ZMIZ1: variants seen among roughly 807,000 people sequenced by gnomAD.
ZMIZ1 encodes zinc finger MIZ domain-containing protein 1.
In ZMIZ1, 17 loss-of-function variants were observed where a neutral mutation model predicts 113.9. The ratio of observed to expected loss-of-function variants is 0.15; its 90% CI spans 0.10 to 0.22. ZMIZ1 has a LOEUF of 0.22. ZMIZ1 is among the 10% of genes least tolerant of loss of function. The pLI is 1.00. For missense variants in ZMIZ1, 1,059 were observed against 1,477.8 expected (o/e 0.72, Z 4.65); for synonymous variants, 607 against 603.1 (o/e 1.01, Z -0.09).
At chr10:79,128,195 C>A (rs181147984) in intron 2 of ZMIZ1, among the ~76,000 whole-genome samples, 2 of 152,156 alleles carry the variant, frequency 1.3e-5, no homozygotes, top group Non-Finnish European at 2.9e-5. Context: ...GACTACTCCA[C>A]CCCTAGGTGC....
chr10:79,217,225 C>T (rs1219344286), intron 7 of ZMIZ1, among the ~76,000 whole-genome samples: 1 of 152,158 alleles, frequency 6.6e-6, no homozygotes, highest in Non-Finnish European at 1.5e-5. Flanking sequence ...AGATCGAGAC[C>T]ATCCTGGCTA....
chr10:79,093,259 C>T (rs903707486), intron 1 of ZMIZ1, among the ~76,000 whole-genome samples: 6 of 151,734 alleles, frequency 4.0e-5, no homozygotes, highest in African/African-American at 1.2e-4. Context: ...AAGAACCCTA[C>T]GCGGGAAGGA....
chr10:79,262,519 T>C (rs1851329683), intron 7 of ZMIZ1, among the ~76,000 whole-genome samples: 1 of 152,232 alleles, frequency 6.6e-6, no homozygotes, highest in Non-Finnish European at 1.5e-5. Context: ...ATGGCATTCT[T>C]ATAAACCATT....
rs1178902989 is a variant in ZMIZ1, at chr10:79,208,296, A to G, written c.61-40A>G. On this transcript the variant is annotated intron_variant, in intron 5 of 24. Coordinates refer to ENST00000334512, the MANE Select transcript of ZMIZ1 (RefSeq NM_020338.4). The stretch of plus-strand genomic sequence containing the variant: ...CCCACACGCTGCCTGTGCTACCCTC[A>G]CTCTTGGAGCCTCAGCCGCCTCCTT... The G allele has an allele frequency of 3.8e-6, 6 of 1,584,910 alleles. No homozygotes were observed. The South Asian group carries it at 6.6e-5, about 18-fold the overall frequency.
intron 1 of ZMIZ1, among the ~76,000 whole-genome samples, chr10:79,116,984 C>T (rs554160595): frequency 3.9e-5 from 6 of 152,372 alleles, no homozygotes; most frequent in East Asian, 1.9e-4. Flanking sequence ...CCTCCTGATT[C>T]GCTTGGGCTC....
chr10:79,217,412 G>A (rs1301164633), intron 7 of ZMIZ1, among the ~76,000 whole-genome samples: 2 of 151,990 alleles, frequency 1.3e-5, no homozygotes, highest in African/African-American at 4.8e-5. Context: ...GTGACAGAGG[G>A]AGACTCCGTC....
intron 7 of ZMIZ1, among the ~76,000 whole-genome samples, chr10:79,242,551 C>T (rs554361835): frequency 6.6e-6 from 1 of 150,534 alleles, no homozygotes; most frequent in African/African-American, 2.4e-5. Flanking sequence ...CCTCCCCTCC[C>T]CTCCCCTCCC....
intron 1 of ZMIZ1, among the ~76,000 whole-genome samples, chr10:79,072,163 G>A (rs1474838359): frequency 6.6e-6 from 1 of 152,154 alleles, no homozygotes; most frequent in African/African-American, 2.4e-5. Flanking sequence ...TCCCTCCTAA[G>A]CAAAGGGGGG....
At chr10:79,265,398 TG>T (rs1451886812) in intron 7 of ZMIZ1, among the ~76,000 whole-genome samples, 1 of 145,754 alleles carries the variant, frequency 6.9e-6, no homozygotes, top group Non-Finnish European at 1.5e-5. Flanking sequence ...GGACCGGGGG[TG>T]GGGGCAGCAG....
rs147582610 is a variant in ZMIZ1, at chr10:79,197,115, T to C, written c.-49-4469T>C. On this transcript the variant is annotated intron_variant, in intron 4 of 24. Coordinates refer to ENST00000334512, the MANE Select transcript of ZMIZ1 (RefSeq NM_020338.4). ...GCCTGCCGACAGCAGGATGAAGGCC[T>C]GCCGGGCATGAGGTTTCTTTGTACT... 9.7e-3 allele frequency among the ~76,000 whole-genome samples: 1,473 copies of C among 152,368 alleles called. 9 individuals carry two copies. Among genetic ancestry groups the C allele is most frequent in the Non-Finnish European group, 0.015 (1,002 of 68,038 alleles).
chr10:79,108,079 G>C (rs750692412), intron 1 of ZMIZ1, among the ~76,000 whole-genome samples: 49 of 152,118 alleles, frequency 3.2e-4, no homozygotes, highest in Non-Finnish European at 6.5e-4. Flanking sequence ...TGACATCCCA[G>C]CCCACCCGGA....
At chr10:79,272,161 CTG>C (rs924915134) in intron 7 of ZMIZ1, among the ~76,000 whole-genome samples, 1 of 152,080 alleles carries the variant, frequency 6.6e-6, no homozygotes, top group Non-Finnish European at 1.5e-5. Flanking sequence ...TGGTGCACAA[CTG>C]TAGTCCCAGC....
At position 79,315,678 on chromosome 10, in the gene ZMIZ1, C is replaced by T. The variant is rs957547368; in HGVS notation, c.*2929C>T. 6.5e-6 allele frequency: 1 copy of T among 152,838 alleles called. No homozygotes were observed. The highest frequency in any genetic ancestry group is 2.4e-5 in the African/African-American group (1 of 41,464). 9.5% of individuals were successfully genotyped at this position (152,838 alleles called of 1,614,324 possible). On this transcript the variant is annotated 3_prime_UTR_variant, in exon 25 of 25. Coordinates refer to ENST00000334512, the MANE Select transcript of ZMIZ1 (RefSeq NM_020338.4). ...CTCCCTAATGGAAGCCCTGATCCCC[C>T]AGAGAGCTACAGGTCTGCTCCCGAC...
intron 1 of ZMIZ1, among the ~76,000 whole-genome samples, chr10:79,090,329 C>T (rs1842948018): frequency 6.6e-6 from 1 of 152,138 alleles, no homozygotes; most frequent in Non-Finnish European, 1.5e-5. Context: ...TTTCTCATCC[C>T]CCATGGGGAC....
Position 79,300,633 on chromosome 10 carries a change from T to C in ZMIZ1, c.1809-99T>C, listed in dbSNP as rs944527892. 13 of 1,390,616 alleles carry C rather than the reference T, an allele frequency of 9.3e-6. No individual in the cohort carries two copies. In the African/African-American group the frequency reaches 1.6e-4, roughly 17 times the overall value. The allele number at this position is 1,390,616 out of a possible 1,614,324, so 86.1% of individuals were successfully genotyped here. A position where few individuals can be genotyped will look rare whatever the true frequency, so the allele number is the denominator to read the frequency against. The stretch of plus-strand genomic sequence containing the variant: ...GATGGGGTCCTGAGGATCTCGGAGG[T>C]TGTGGTGTGTTTAGAGGTGTGTGAC... On this transcript the variant is annotated intron_variant, in intron 16 of 24. Coordinates refer to ENST00000334512, the MANE Select transcript of ZMIZ1 (RefSeq NM_020338.4).
At chr10:79,208,948 A>T (rs1470579935) in intron 6 of ZMIZ1, among the ~76,000 whole-genome samples, 2 of 152,168 alleles carry the variant, frequency 1.3e-5, no homozygotes, top group Non-Finnish European at 2.9e-5. Flanking sequence ...AAGTCCAGGG[A>T]AACTGAAGAT....
chr10:79,219,390 G>GA (rs1336311562), intron 7 of ZMIZ1, among the ~76,000 whole-genome samples: 2 of 152,148 alleles, frequency 1.3e-5, no homozygotes, highest in Non-Finnish European at 2.9e-5. Flanking sequence ...ATTTATGGAT[G>GA]AAAAAATGGA....
At chr10:79,308,388 G>A (rs2132098398) in intron 23 of ZMIZ1, among the ~76,000 whole-genome samples, 1 of 152,340 alleles carries the variant, frequency 6.6e-6, no homozygotes, top group South Asian at 2.1e-4. Context: ...GGCTGAAGTG[G>A]TGTGTCTGAG....
chr10:79,284,272 T>C (rs1421671808), intron 8 of ZMIZ1, among the ~76,000 whole-genome samples: 1 of 152,112 alleles, frequency 6.6e-6, no homozygotes, highest in East Asian at 1.9e-4. Context: ...ATAAAATACG[T>C]GAAAAAAGTG....
Sources: allele counts gnomAD v4.1 joint callset (sites outside exome capture counted in the v4.1 genomes callset), GRCh38; gene constraint gnomAD v4.1.1; transcripts MANE v1.5; gene names NCBI Gene and HGNC (gene_info 2026-07-23, HGNC 2026-07-21).